Variants in UNK observed in about 807,000 individuals in gnomAD.
UNK encodes the protein unk zinc finger, also known as RING finger protein unkempt homolog.
In UNK, 32 loss-of-function variants were observed where a neutral mutation model predicts 97.6. The observed-to-expected ratio is 0.33, with a 90% CI of 0.25 to 0.44. The LOEUF (loss-of-function observed/expected upper bound fraction) is 0.44, where lower values mean the gene tolerates loss of function less well. Ranked by LOEUF, UNK falls within the 20% of genes least tolerant of loss-of-function variation. The pLI, the probability that UNK is intolerant of heterozygous loss-of-function variation, is 1.00. For missense variants in UNK, 771 were observed against 1,098.4 expected, an observed-to-expected ratio of 0.70 and a Z score of 4.21; for synonymous variants, 441 against 461.2, an observed-to-expected ratio of 0.96 and a Z score of 0.56.
At chr17:75,814,724 C>T (rs563948230) in intron 6 of UNK, among the ~76,000 whole-genome samples, 40 of 152,300 alleles carry the variant, frequency 2.6e-4, no homozygotes, top group African/African-American at 9.4e-4. Flanking sequence ...GAGGTAGACA[C>T]GCGGACAGAA....
intron 1 of UNK, among the ~76,000 whole-genome samples, chr17:75,786,816 C>A (rs1395596202): frequency 6.6e-6 from 1 of 152,158 alleles, no homozygotes; most frequent in Non-Finnish European, 1.5e-5. Context: ...GAGATCGTGC[C>A]ACTGCACTCC....
At chr17:75,787,219 C>A (rs1257987049) in intron 1 of UNK, among the ~76,000 whole-genome samples, 1 of 151,878 alleles carries the variant, frequency 6.6e-6, no homozygotes, top group South Asian at 2.1e-4. Flanking sequence ...TCTGATTTTT[C>A]TTTTTCTTTT....
Position 75,823,480 on chromosome 17 carries a change from C to T in UNK, c.2235C>T (p.Ser745=). 6.4e-7 allele frequency: 1 copy of T among 1,570,850 alleles called. No individual in the cohort carries two copies. The highest frequency in any genetic ancestry group is 8.7e-7 in the Non-Finnish European group (1 of 1,152,870). ...CGCTCTCACTCTCCACCCTCTACTC[C>T]CTCCAGAAACAACTGCGGGCCCACC... ...LEALSLSTLY[S]LQKQLRAHLE... The change falls in exon 15 of 16, where the codon TCC becomes TCT. Residue 745 remains serine (S), a synonymous_variant. Transcript: ENST00000589666.
chr17:75,818,122 C>T lies in UNK; in HGVS notation c.1325C>T (p.Ser442Leu), dbSNP rs1359327699. 1 of 1,613,470 alleles carries T rather than the reference C, an allele frequency of 6.2e-7. No individual in the cohort carries two copies. Among genetic ancestry groups the T allele is most frequent in the Admixed American group, 1.7e-5 (1 of 60,008 alleles). The change falls in exon 10 of 16, where the codon TCA becomes TTA. Residue 442 changes from serine to leucine, a missense_variant. Coordinates refer to ENST00000589666, the MANE Select transcript of UNK (RefSeq NM_001080419.3). This position sits in a 1 kb window ranked among gnomAD's most constrained non-coding sequence, Gnocchi z 5.1. ...FKCQAKLKPH[S>L]LEPRSQEQPL... ...TCTCAGGCCAAATTAAAACCCCACT[C>T]ATTAGAGCCCAGGAGTCAAGAGCAG...
At chr17:75,800,687 A>G (rs867100979) in intron 1 of UNK, among the ~76,000 whole-genome samples, 21 of 151,362 alleles carry the variant, frequency 1.4e-4, no homozygotes, top group Admixed American at 5.9e-4. Flanking sequence ...CAGTGAGCTG[A>G]GATCGCGCCA....
chr17:75,791,467 C>G (rs757470870), intron 1 of UNK, among the ~76,000 whole-genome samples: 4 of 152,200 alleles, frequency 2.6e-5, no homozygotes, highest in Non-Finnish European at 5.9e-5. Flanking sequence ...CTACTTGTTG[C>G]ACAACAGAAG....
intron 1 of UNK, chr17:75,793,530 C>T (rs1050004844): frequency 6.1e-6 from 6 of 985,326 alleles, no homozygotes; most frequent in Non-Finnish European, 7.2e-6. Context: ...ACAGCATTCT[C>T]TGTGAGGTGA....
Position 75,819,135 on chromosome 17 carries a change from C to G in UNK, c.1546+319C>G, listed in dbSNP as rs571961748. ...GTCCTTGTGTAGTGAATGGCCAGCA[C>G]GACGTTCTCAGAATCCCTGGTGCTA... On this transcript the variant is annotated intron_variant, in intron 11 of 15. Transcript: ENST00000589666. This position sits in a 1 kb window ranked among gnomAD's most constrained non-coding sequence, Gnocchi z 5.4. 5.0e-5 allele frequency: 15 copies of G among 300,766 alleles called. No homozygotes were observed. Among genetic ancestry groups the G allele is most frequent in the South Asian group, 1.6e-4 (2 of 12,374 alleles). 18.6% of individuals were successfully genotyped at this position (300,766 alleles called of 1,614,324 possible).
rs1027206090 is a variant in UNK, at chr17:75,823,408, C to T, written c.2163C>T (p.His721=). ...KKLQEELERL[H]AGPEPQALPA... is the part of the protein sequence containing the mutation. ...TCCAGGAGGAGCTGGAGCGGCTACA[C>T]GCGGGGCCTGAGCCCCAGGCCCTGC... The change falls in exon 15 of 16, where the codon CAC becomes CAT. Residue 721 remains histidine (H), a synonymous_variant. Coordinates refer to ENST00000589666, the MANE Select transcript of UNK (RefSeq NM_001080419.3). 11 of 1,603,694 alleles carry T rather than the reference C, an allele frequency of 6.9e-6. No homozygotes were observed. Among genetic ancestry groups the T allele is most frequent in the African/African-American group, 5.3e-5 (4 of 74,790 alleles).
chr17:75,797,832 A>G (rs1037611709), intron 1 of UNK, among the ~76,000 whole-genome samples: 1 of 152,110 alleles, frequency 6.6e-6, no homozygotes, highest in Non-Finnish European at 1.5e-5. Context: ...TGTTGGGCTT[A>G]CATCTTGCTG....
intron 1 of UNK, among the ~76,000 whole-genome samples, chr17:75,806,931 A>G (rs2061923899): frequency 6.6e-6 from 1 of 152,208 alleles, no homozygotes. Flanking sequence ...GGAAGTGAAG[A>G]GGCTTAACAT....
Position 75,813,844 on chromosome 17 carries a change from G to T in UNK, c.842G>T (p.Cys281Phe). 1 of 1,598,448 alleles carries T rather than the reference G, an allele frequency of 6.3e-7. No homozygotes were observed. ...KCENGDACQY[C>F]HTRTEQQFHP... ...GAGAACGGAGACGCCTGCCAGTACTGCCACACCCGCACCGAGCAGCAGTTC... is the reference window on the plus strand; with the variant it reads ...GAGAACGGAGACGCCTGCCAGTACTTCCACACCCGCACCGAGCAGCAGTTC... Residue 281 changes from cysteine (C) to phenylalanine (F), a missense_variant, in exon 6 of 16, where the codon TGC becomes TTC. Transcript: ENST00000589666.
chr17:75,812,940 G>C, intron 4 of UNK, 138 bp from the exon 5 acceptor site: 1 of 1,249,654 alleles, frequency 8.0e-7, no homozygotes. Context: ...GGGAGGAGGG[G>C]CCCTACTCAC....
chr17:75,792,846 A>G (rs1450843567), intron 1 of UNK, among the ~76,000 whole-genome samples: 1 of 152,262 alleles, frequency 6.6e-6, no homozygotes, highest in Non-Finnish European at 1.5e-5. Flanking sequence ...AAAGTTAATT[A>G]AAAAATCAGT....
In UNK at chr17:75,819,012, G is replaced by C; in HGVS notation, c.1546+196G>C. The C allele has an allele frequency of 3.5e-6, 2 of 578,336 alleles. No homozygotes were observed. The allele number at this position is 578,336 out of a possible 1,614,324, so 35.8% of individuals were successfully genotyped here. A position where few individuals can be genotyped will look rare whatever the true frequency, so the allele number is the denominator to read the frequency against. On this transcript the variant is annotated intron_variant, in intron 11 of 15. Transcript: ENST00000589666. The surrounding 1 kb of genome is among the most constrained non-coding windows in gnomAD (Gnocchi z 5.4). ...GGTGTAGGGCCAGGACTGACCCTTA[G>C]AGCTCCTTTGTGCAAATTAGAAAGA...
chr17:75,820,256 C>G, intron 13 of UNK, 148 bp downstream of exon 13: 1 of 816,930 alleles, frequency 1.2e-6, no homozygotes, highest in African/African-American at 1.7e-5. Flanking sequence ...AGATTCCTGT[C>G]TGTGTGACCC....
intron 1 of UNK, among the ~76,000 whole-genome samples, chr17:75,801,561 C>CT (rs998294685): frequency 3.7e-4 from 54 of 147,670 alleles, no homozygotes; most frequent in East Asian, 1.2e-3. Context: ...TTTATTTTTC[C>CT]TTTTTTTTTT....
intron 1 of UNK, among the ~76,000 whole-genome samples, chr17:75,795,505 A>T (rs2061798035): frequency 6.6e-6 from 1 of 151,888 alleles, no homozygotes; most frequent in African/African-American, 2.4e-5. Flanking sequence ...ACACCTGGCT[A>T]ATTTTTGTAT....
At chr17:75,800,211 G>A (rs2061843285) in intron 1 of UNK, among the ~76,000 whole-genome samples, 1 of 151,974 alleles carries the variant, frequency 6.6e-6, no homozygotes, top group African/African-American at 2.4e-5. Context: ...TGGGACTATA[G>A]GTGTGCACCA....
Sources: allele counts gnomAD v4.1 joint callset (sites outside exome capture counted in the v4.1 genomes callset), GRCh38; gene constraint gnomAD v4.1.1; non-coding constraint Gnocchi (gnomAD v3.1); transcripts MANE v1.5; gene names NCBI Gene and HGNC (gene_info 2026-07-23, HGNC 2026-07-21).